The following TAFA1 variants were observed in gnomAD, a reference collection of about 807,000 sequenced individuals.
TAFA1 encodes the protein chemokine-like protein TAFA-1.
In TAFA1, 4 loss-of-function variants were observed where a neutral mutation model predicts 18.5. That is an observed-to-expected ratio of 0.22 (90% CI 0.11 to 0.49). The LOEUF (loss-of-function observed/expected upper bound fraction) is 0.49. Ranked by LOEUF, TAFA1 falls within the 20% of genes least tolerant of loss-of-function variation. TAFA1 has a pLI of 0.98. For synonymous variants in TAFA1, 56 were observed against 55.2 expected, an observed-to-expected ratio of 1.01 and a Z score of -0.06; for missense variants, 147 against 169.0, an observed-to-expected ratio of 0.87 and a Z score of 0.72.
intron 3 of TAFA1, among the ~76,000 whole-genome samples, chr3:68,454,791 C>T (rs532848033): frequency 6.6e-6 from 1 of 152,184 alleles, no homozygotes; most frequent in Non-Finnish European, 1.5e-5. Flanking sequence ...CTAAGGCCAA[C>T]CCCCAGCTAT....
At chr3:68,410,665 A>C (rs1323035981) in intron 2 of TAFA1, among the ~76,000 whole-genome samples, 1 of 131,600 alleles carries the variant, frequency 7.6e-6, no homozygotes, top group Non-Finnish European at 1.6e-5. Context: ...AGATCTACAG[A>C]TCCTGGGTGA....
At chr3:68,515,410 T>C (rs1435318559) in intron 3 of TAFA1, among the ~76,000 whole-genome samples, 5 of 152,154 alleles carry the variant, frequency 3.3e-5, no homozygotes, top group South Asian at 2.1e-4. Flanking sequence ...AAGAGATGGA[T>C]GATCTGATTG....
chr3:68,381,470 T>G (rs171892), intron 2 of TAFA1, among the ~76,000 whole-genome samples: 1 of 151,838 alleles, frequency 6.6e-6, no homozygotes, highest in Non-Finnish European at 1.5e-5. Context: ...TAGTTCTCCT[T>G]GAAGAGGTCC....
chr3:68,051,418 T>C (rs988922954), intron 2 of TAFA1, among the ~76,000 whole-genome samples: 2 of 152,138 alleles, frequency 1.3e-5, no homozygotes, highest in Non-Finnish European at 2.9e-5. Context: ...CAGTGGTTAT[T>C]AACCAGGGGC....
intron 2 of TAFA1, among the ~76,000 whole-genome samples, chr3:68,298,759 A>G (rs1844887): frequency 0.063 from 9,646 of 152,228 alleles, 475 homozygotes; most frequent in African/African-American, 0.13. Flanking sequence ...TTTGCCTTCC[A>G]CCATGATTGT....
At chr3:68,148,151 T>C (rs921372193) in intron 2 of TAFA1, among the ~76,000 whole-genome samples, 2 of 152,212 alleles carry the variant, frequency 1.3e-5, no homozygotes, top group African/African-American at 4.8e-5. Flanking sequence ...ATCAATTTGC[T>C]TGTCATTTTT....
intron 2 of TAFA1, among the ~76,000 whole-genome samples, chr3:68,321,316 A>G (rs901230889): frequency 1.3e-5 from 2 of 152,170 alleles, no homozygotes; most frequent in African/African-American, 2.4e-5. Context: ...CCCTACTTCA[A>G]TAGCTTAGTT....
intron 3 of TAFA1, among the ~76,000 whole-genome samples, chr3:68,435,990 C>G (rs1251810362): frequency 6.6e-6 from 1 of 152,094 alleles, no homozygotes; most frequent in Non-Finnish European, 1.5e-5. Context: ...GAAGCAGGGT[C>G]TAGACATTTG....
At chr3:68,237,989 T>C (rs74701153) in intron 2 of TAFA1, among the ~76,000 whole-genome samples, 2 of 143,604 alleles carry the variant, frequency 1.4e-5, no homozygotes, top group African/African-American at 2.5e-5. Context: ...CTTTTTGTTA[T>C]TTTTTTTTTT....
intron 2 of TAFA1, among the ~76,000 whole-genome samples, chr3:68,401,263 T>G (rs2070483109): frequency 2.0e-5 from 3 of 152,018 alleles, no homozygotes; most frequent in Non-Finnish European, 4.4e-5. Flanking sequence ...GGAGCTAGGG[T>G]GGTGTCTCAG....
intron 2 of TAFA1, among the ~76,000 whole-genome samples, chr3:68,303,473 C>G (rs1410717782): frequency 6.6e-6 from 1 of 152,018 alleles, no homozygotes; most frequent in Non-Finnish European, 1.5e-5. Flanking sequence ...CAGAGTGTCA[C>G]TCTGTCACCC....
At chr3:68,354,446 A>G (rs2069327007) in intron 2 of TAFA1, among the ~76,000 whole-genome samples, 1 of 151,422 alleles carries the variant, frequency 6.6e-6, no homozygotes, top group African/African-American at 2.4e-5. Context: ...AATCTCCGCT[A>G]CTCTCTATTG....
chr3:68,201,772 C>G (rs2066472050), intron 2 of TAFA1, among the ~76,000 whole-genome samples: 1 of 151,672 alleles, frequency 6.6e-6, no homozygotes, highest in Non-Finnish European at 1.5e-5. Context: ...TTATTTAGCT[C>G]ATGGTTCTAC....
chr3:68,412,999 T>G (rs1414966672), intron 2 of TAFA1, among the ~76,000 whole-genome samples: 1 of 151,854 alleles, frequency 6.6e-6, no homozygotes, highest in Non-Finnish European at 1.5e-5. Flanking sequence ...ACCAACAGTG[T>G]AAAAGTGTTC....
chr3:68,340,741 G>A (rs1429300806), intron 2 of TAFA1, among the ~76,000 whole-genome samples: 3 of 152,096 alleles, frequency 2.0e-5, no homozygotes, highest in Admixed American at 6.6e-5. Flanking sequence ...TTCAAGTACT[G>A]AGCATTGATA....
At chr3:68,428,571 T>G (rs2071103446) in intron 3 of TAFA1, among the ~76,000 whole-genome samples, 1 of 151,892 alleles carries the variant, frequency 6.6e-6, no homozygotes. Context: ...AACAGATGGG[T>G]TTGAGATCAC....
intron 2 of TAFA1, among the ~76,000 whole-genome samples, chr3:68,230,603 A>T (rs1278251161): frequency 6.6e-6 from 1 of 152,188 alleles, no homozygotes; most frequent in East Asian, 1.9e-4. Context: ...TATCTCTTCA[A>T]TATAGTGATT....
chr3:68,070,481 C>G, intron 2 of TAFA1, among the ~76,000 whole-genome samples: 1 of 152,282 alleles, frequency 6.6e-6, no homozygotes, highest in Non-Finnish European at 1.5e-5. Flanking sequence ...TGTGATGGGA[C>G]GGGCTGCCAT....
chr3:68,185,633 G>T (rs1162256451), intron 2 of TAFA1, among the ~76,000 whole-genome samples: 3 of 152,034 alleles, frequency 2.0e-5, no homozygotes, highest in African/African-American at 7.2e-5. Flanking sequence ...AACTATTACA[G>T]GTGCAGTGGC....
Sources: allele counts gnomAD v4.1 joint callset (sites outside exome capture counted in the v4.1 genomes callset), GRCh38; gene constraint gnomAD v4.1.1; transcripts MANE v1.5; gene names NCBI Gene and HGNC (gene_info 2026-07-23, HGNC 2026-07-21).